The following ROBO2 variants were observed in gnomAD, a reference collection of about 807,000 sequenced individuals.
ROBO2 encodes roundabout guidance receptor 2, also known as roundabout homolog 2.
Under a neutral mutation model 160.8 loss-of-function variants are expected in ROBO2, and 53 were observed. The ratio of observed to expected loss-of-function variants is 0.33; its 90% CI spans 0.26 to 0.41. ROBO2 has a LOEUF of 0.41. Ranked by LOEUF, ROBO2 falls within the 10% of genes least tolerant of loss-of-function variation. The pLI is 1.00. For missense variants in ROBO2, 1,577 were observed against 1,722.4 expected, an observed-to-expected ratio of 0.92 and a Z score of 1.49; for synonymous variants, 664 against 611.7, an observed-to-expected ratio of 1.09 and a Z score of -1.26.
intron 2 of ROBO2, among the ~76,000 whole-genome samples, chr3:76,028,038 A>G (rs898726441): frequency 2.0e-5 from 3 of 151,870 alleles, no homozygotes; most frequent in African/African-American, 7.2e-5. Context: ...TGGGTGTAGT[A>G]TTTTTCAAGA....
chr3:76,720,810 A>T (rs940493919), intron 2 of ROBO2, among the ~76,000 whole-genome samples: 1 of 152,222 alleles, frequency 6.6e-6, no homozygotes, highest in Non-Finnish European at 1.5e-5. Flanking sequence ...AGGAAAGGTT[A>T]AAAGTATTGG....
At chr3:76,555,426 A>AAGAAGAAGAAGAAGAAGAAG (rs1560141776) in intron 2 of ROBO2, among the ~76,000 whole-genome samples, 1 of 96,972 alleles carries the variant, frequency 1.0e-5, no homozygotes, top group Non-Finnish European at 2.1e-5. Flanking sequence ...AGAAAGAAGG[A>AAGAAGAAGAAGAAGAAGAAG]GAAGGGGAAG....
At chr3:77,365,760 C>A (rs1355944177) in intron 2 of ROBO2, among the ~76,000 whole-genome samples, 1 of 151,998 alleles carries the variant, frequency 6.6e-6, no homozygotes, top group Non-Finnish European at 1.5e-5. Context: ...GAGGACCTCT[C>A]ATGGTATAGC....
intron 2 of ROBO2, among the ~76,000 whole-genome samples, chr3:77,281,641 C>T (rs1222867713): frequency 6.6e-6 from 1 of 152,166 alleles, no homozygotes; most frequent in East Asian, 1.9e-4. Context: ...TATTATTTGC[C>T]TATCACCTAT....
chr3:76,726,590 T>A (rs949377944), intron 2 of ROBO2, among the ~76,000 whole-genome samples: 3 of 152,148 alleles, frequency 2.0e-5, no homozygotes, highest in Non-Finnish European at 4.4e-5. Flanking sequence ...CTCTGTAAGG[T>A]CCCAAGTGTG....
intron 1 of ROBO2, among the ~76,000 whole-genome samples, chr3:77,084,434 GT>G (rs547224362): frequency 1.3e-4 from 20 of 152,170 alleles, no homozygotes; most frequent in Admixed American, 1.2e-3. Context: ...ATACCACCCT[GT>G]TCGAAGCTAT....
chr3:75,914,804 C>T (rs1946741374), intron 1 of ROBO2, among the ~76,000 whole-genome samples: 1 of 152,150 alleles, frequency 6.6e-6, no homozygotes, highest in Admixed American at 6.5e-5. Context: ...TCCTTTCCTG[C>T]TGTTAAGGAA....
intron 2 of ROBO2, among the ~76,000 whole-genome samples, chr3:76,290,621 A>G (rs1348616808): frequency 6.6e-6 from 1 of 152,136 alleles, no homozygotes; most frequent in Non-Finnish European, 1.5e-5. Flanking sequence ...GTATGCTTCC[A>G]GGTGTCATCT....
chr3:76,745,161 G>T (rs1050429191), intron 2 of ROBO2, among the ~76,000 whole-genome samples: 1 of 152,078 alleles, frequency 6.6e-6, no homozygotes, highest in African/African-American at 2.4e-5. Flanking sequence ...AAGTTAAAGT[G>T]GCATTTTGAG....
intron 2 of ROBO2, among the ~76,000 whole-genome samples, chr3:76,705,380 T>G (rs2093138844): frequency 6.6e-6 from 1 of 152,084 alleles, no homozygotes; most frequent in Admixed American, 6.6e-5. Flanking sequence ...AGGACAAAAA[T>G]CATACACACA....
At chr3:77,198,606 A>G (rs1341915701) in intron 2 of ROBO2, among the ~76,000 whole-genome samples, 1 of 152,220 alleles carries the variant, frequency 6.6e-6, no homozygotes, top group African/African-American at 2.4e-5. Flanking sequence ...TCTTAGAAAG[A>G]CATTTTATTT....
chr3:77,377,625 T>A (rs2072867764), intron 2 of ROBO2, among the ~76,000 whole-genome samples: 1 of 152,208 alleles, frequency 6.6e-6, no homozygotes, highest in Admixed American at 6.5e-5. Flanking sequence ...CAAGACCATA[T>A]GAAAGATATG....
chr3:77,102,782 A>G (rs1473029993), intron 2 of ROBO2, among the ~76,000 whole-genome samples: 1 of 151,446 alleles, frequency 6.6e-6, no homozygotes, highest in Non-Finnish European at 1.5e-5. Context: ...CAGCAGAGGG[A>G]AAAAAATTCA....
intron 2 of ROBO2, among the ~76,000 whole-genome samples, chr3:76,221,013 A>C (rs543954983): frequency 6.6e-6 from 1 of 151,274 alleles, no homozygotes; most frequent in Non-Finnish European, 1.5e-5. Context: ...TAATCATAGA[A>C]CATGGTAATA....
intron 2 of ROBO2, among the ~76,000 whole-genome samples, chr3:77,215,765 A>G (rs1299743251): frequency 3.9e-5 from 6 of 151,994 alleles, no homozygotes; most frequent in Admixed American, 2.0e-4. Context: ...TTTGGTGTGG[A>G]TGTCCTTTCT....
intron 2 of ROBO2, among the ~76,000 whole-genome samples, chr3:76,874,255 G>GT (rs1276907893): frequency 1.3e-5 from 2 of 150,776 alleles, no homozygotes; most frequent in East Asian, 1.9e-4. Flanking sequence ...CATTAACTTT[G>GT]TTTTTGTCAG....
At chr3:77,207,150 CTA>C (rs1418071419) in intron 2 of ROBO2, among the ~76,000 whole-genome samples, 18 of 152,224 alleles carry the variant, frequency 1.2e-4, no homozygotes, top group African/African-American at 3.4e-4. Context: ...AATATAAAGA[CTA>C]TTTTTATTTA....
intron 2 of ROBO2, among the ~76,000 whole-genome samples, chr3:76,504,392 G>A (rs1241145497): frequency 6.6e-6 from 1 of 152,120 alleles, no homozygotes; most frequent in African/African-American, 2.4e-5. Flanking sequence ...GAAGAACTAT[G>A]AGATCCGTCA....
At chr3:77,317,278 T>C in intron 2 of ROBO2, 1 of 767,256 alleles carries the variant, frequency 1.3e-6, no homozygotes, top group South Asian at 1.5e-5. Context: ...TTTAGCATTT[T>C]TTTTTTCCCA....
Sources: gnomAD v4.1 joint callset for allele counts (sites outside exome capture counted in the v4.1 genomes callset) on GRCh38, gnomAD v4.1.1 for gene constraint, MANE v1.5 for transcripts, NCBI Gene and HGNC (gene_info 2026-07-23, HGNC 2026-07-21) for gene names.